The following SLC44A3 variants were observed in gnomAD, a reference collection of about 807,000 sequenced individuals.
SLC44A3 encodes choline transporter-like protein 3.
In SLC44A3, 74 loss-of-function variants were observed where a neutral mutation model predicts 75.4. That is an observed-to-expected ratio of 0.98 (90% confidence interval 0.81 to 1.19). The LOEUF is 1.19. Ranked by LOEUF, SLC44A3 falls within the 50% of genes most tolerant of loss-of-function variation. The pLI is 0.00. For missense variants in SLC44A3, 700 were observed against 778.6 expected, an observed-to-expected ratio of 0.90 and a Z score of 1.20; for synonymous variants, 310 against 296.9, an observed-to-expected ratio of 1.04 and a Z score of -0.45.
intron 9 of SLC44A3, among the ~76,000 whole-genome samples, chr1:94,856,997 C>T (rs1412706798): frequency 6.6e-6 from 1 of 152,136 alleles, no homozygotes; most frequent in African/African-American, 2.4e-5. Context: ...TCCAAAAGTG[C>T]TGGGATTACA....
intron 12 of SLC44A3, among the ~76,000 whole-genome samples, chr1:94,870,893 C>T (rs1571379981): frequency 6.6e-6 from 1 of 152,328 alleles, no homozygotes; most frequent in East Asian, 1.9e-4. Flanking sequence ...GTTGGCCAGG[C>T]TGGTCTTGAA....
At chr1:94,860,026 C>T (rs1165069960) in intron 10 of SLC44A3, among the ~76,000 whole-genome samples, 3 of 152,200 alleles carry the variant, frequency 2.0e-5, no homozygotes, top group Admixed American at 6.5e-5. Flanking sequence ...TGGAGAGCCT[C>T]ACTCTTCAAT....
At chr1:94,847,633 G>C (rs1664586294) in intron 9 of SLC44A3, among the ~76,000 whole-genome samples, 1 of 152,208 alleles carries the variant, frequency 6.6e-6, no homozygotes, top group Non-Finnish European at 1.5e-5. Flanking sequence ...CAGAAGGGAG[G>C]GCAGTGGCCC....
At chr1:94,878,260 C>CAA (rs57269049) in intron 12 of SLC44A3, among the ~76,000 whole-genome samples, 9 of 150,388 alleles carry the variant, frequency 6.0e-5, no homozygotes, top group African/African-American at 2.0e-4. Flanking sequence ...AACAAACAAA[C>CAA]AAAAAAAAAA....
chr1:94,883,286 A>G (rs1317496019), intron 12 of SLC44A3, among the ~76,000 whole-genome samples: 1 of 152,112 alleles, frequency 6.6e-6, no homozygotes, highest in Non-Finnish European at 1.5e-5. Context: ...AGACAGCTTG[A>G]GCTCAGGAAT....
Position 94,822,906 on chromosome 1 carries a change from T to C in SLC44A3, c.136-1587T>C, listed in dbSNP as rs1203738068. Among the ~76,000 whole-genome samples the C allele has an allele frequency of 1.3e-5, 2 of 152,160 alleles. 1 individual carries two copies. Among genetic ancestry groups the C allele is most frequent in the South Asian group, 4.1e-4 (2 of 4,820 alleles). The stretch of plus-strand genomic sequence containing the variant: ...AAATTAGGACAATGAAGGTTTATAG[T>C]AGTAGTTTCTTGGAAGGCCGAGGCA... On this transcript the variant is annotated intron_variant, in intron 2 of 14. Transcript: ENST00000271227.
At chr1:94,826,212 G>A (rs1020941492) in intron 3 of SLC44A3, among the ~76,000 whole-genome samples, 3 of 152,166 alleles carry the variant, frequency 2.0e-5, no homozygotes, top group African/African-American at 4.8e-5. Flanking sequence ...AAGTAAAATG[G>A]CGATTGCAAA....
chr1:94,888,747 T>TTTTTTTTTTTTTTG (rs1571475497), intron 12 of SLC44A3: 1 of 980,816 alleles, frequency 1.0e-6, no homozygotes. Flanking sequence ...CTTTTTTTTT[T>TTTTTTTTTTTTTTG]GAGGCGGAGT....
chr1:94,876,233 A>C (rs1357380210), intron 12 of SLC44A3, among the ~76,000 whole-genome samples: 3 of 152,244 alleles, frequency 2.0e-5, no homozygotes, highest in Non-Finnish European at 4.4e-5. Context: ...GTGCTCAAGA[A>C]ATGTGAAGAA....
At chr1:94,868,793 A>G (rs1667445641) in intron 12 of SLC44A3, among the ~76,000 whole-genome samples, 1 of 152,274 alleles carries the variant, frequency 6.6e-6, no homozygotes, top group Non-Finnish European at 1.5e-5. Flanking sequence ...ATATGGCCCT[A>G]CAAGGCCCGA....
At chr1:94,879,831 T>A in intron 12 of SLC44A3, among the ~76,000 whole-genome samples, 1 of 145,926 alleles carries the variant, frequency 6.9e-6, no homozygotes. Context: ...AGTGCAAGAT[T>A]CTGTCTCAAA....
chr1:94,891,229 A>G lies in SLC44A3; in HGVS notation c.1582A>G (p.Ile528Val), dbSNP rs1670175052. The G allele has an allele frequency of 2.5e-6, 4 of 1,613,274 alleles. No individual in the cohort carries two copies. In the African/African-American group the frequency reaches 4.0e-5, roughly 16 times the overall value. The stretch of plus-strand genomic sequence containing the variant: ...CAAGAACTCAAGTCACTTTACATCT[A>G]TTAACTGCTTTGGAGACTTCATAAT... ...LSKNSSHFTS[I>V]NCFGDFIIFL... is the part of the protein sequence containing the mutation. Residue 528 changes from isoleucine to valine, a missense_variant, in exon 13 of 15, where the codon ATT becomes GTT. Coordinates refer to ENST00000271227, the MANE Select transcript of SLC44A3 (RefSeq NM_001114106.3).
At chr1:94,841,400 G>A (rs1663623525) in intron 7 of SLC44A3, among the ~76,000 whole-genome samples, 1 of 152,192 alleles carries the variant, frequency 6.6e-6, no homozygotes, top group African/African-American at 2.4e-5. Flanking sequence ...TCGGAGGACA[G>A]GCACAATGAC....
chr1:94,845,265 C>T lies in SLC44A3; in HGVS notation c.886-13C>T. ...TATTTGGAAGTAATTTACTCAAATC[C>T]CTTTCTCACCAGGCAGTGCTGCTCG... On this transcript the variant is annotated splice_polypyrimidine_tract_variant and intron_variant, in intron 8 of 14. Coordinates refer to ENST00000271227, the MANE Select transcript of SLC44A3 (RefSeq NM_001114106.3). 1 of 1,582,086 alleles carries T rather than the reference C, an allele frequency of 6.3e-7. No individual in the cohort carries two copies.
rs1219682661 is a variant in SLC44A3 at position 94,894,840 on chromosome 1, A to AAT, written c.1881_1882dup (p.Leu628TyrfsTer2). On this transcript the variant is annotated frameshift_variant, in exon 15 of 15. Coordinates refer to ENST00000271227, the MANE Select transcript of SLC44A3 (RefSeq NM_001114106.3). LOFTEE classifies it low-confidence loss of function (END_TRUNC). The stretch of plus-strand genomic sequence containing the variant: ...CAGAGTTTCGTAAAAAGGAGCAACA[A>AAT]ATTAAACAATGCAAGGGCACAGCAG... 1 of 1,611,540 alleles carries AAT rather than the reference A, an allele frequency of 6.2e-7. No individual in the cohort carries two copies. The highest frequency in any genetic ancestry group is 8.5e-7 in the Non-Finnish European group (1 of 1,178,528).
In SLC44A3 at chr1:94,892,293, T is replaced by A; in HGVS notation, c.1633T>A (p.Cys545Ser). The A allele has an allele frequency of 6.2e-7, 1 of 1,614,026 alleles. No homozygotes were observed. Among genetic ancestry groups the A allele is most frequent in the Non-Finnish European group, 8.5e-7 (1 of 1,179,968 alleles). ...TTCTTTTGCACAGGTGTTAGTGGTG[T>A]GTTTCACTGTTTTTGGAGGACTCAT... ...IIFLGKVLVV[C>S]FTVFGGLMAF... is the part of the protein sequence containing the mutation. Residue 545 changes from cysteine (C) to serine (S), a missense_variant, in exon 14 of 15, where the codon TGT becomes AGT. Coordinates refer to ENST00000271227, the MANE Select transcript of SLC44A3 (RefSeq NM_001114106.3).
Position 94,894,877 on chromosome 1 carries a change from A to T in SLC44A3, c.1917A>T (p.Ser639=), listed in dbSNP as rs780269095. Residue 639 remains serine (S), a synonymous_variant, in exon 15 of 15, where the codon TCA becomes TCT. Transcript: ENST00000271227. ...NNARAQQDKH[S]LRNEEGTELQ... Reference sequence around the variant, plus strand: ...CAAGGGCACAGCAGGACAAGCACTCATTAAGGAATGAGGAGGGAACAGAAC... The same window carrying T: ...CAAGGGCACAGCAGGACAAGCACTCTTTAAGGAATGAGGAGGGAACAGAAC... 4 of 1,612,564 alleles carry T rather than the reference A, an allele frequency of 2.5e-6. No individual in the cohort carries two copies. The highest frequency in any genetic ancestry group is 1.7e-6 in the Non-Finnish European group (2 of 1,178,988).
intron 10 of SLC44A3, among the ~76,000 whole-genome samples, chr1:94,862,627 C>T (rs1284580613): frequency 6.6e-6 from 1 of 152,164 alleles, no homozygotes; most frequent in Admixed American, 6.5e-5. Flanking sequence ...GGAAGCTGGG[C>T]TTCATGGGGC....
chr1:94,888,660 A>G, intron 12 of SLC44A3: 1 of 984,874 alleles, frequency 1.0e-6, no homozygotes, highest in Non-Finnish European at 1.2e-6. Flanking sequence ...TTTTGCAGGA[A>G]ATTCATCTGA....
Sources: allele counts gnomAD v4.1 joint callset (sites outside exome capture counted in the v4.1 genomes callset), GRCh38; gene constraint gnomAD v4.1.1; transcripts MANE v1.5; gene names NCBI Gene and HGNC (gene_info 2026-07-23, HGNC 2026-07-21).